Variants in KRABD3 observed in about 807,000 individuals in gnomAD.
The protein encoded by KRABD3 is KRAB domain-containing protein 3.
the KRABD3 span, chr7:149,730,383 G>C: frequency 3.9e-6 from 6 of 1,557,282 alleles, no homozygotes; most frequent in South Asian, 7.1e-5. Context: ...ATGTGTGCCA[G>C]GGCGCCAGTC....
chr7:149,715,705 C>T, the KRABD3 span, among the ~76,000 whole-genome samples: 330 of 152,314 alleles, frequency 2.2e-3, 1 homozygote, highest in African/African-American at 7.0e-3. Context: ...TCCGAGGCAG[C>T]CATGGATGGG....
At chr7:149,725,987 C>G in the KRABD3 span, 1 of 1,611,126 alleles carries the variant, frequency 6.2e-7, no homozygotes, top group East Asian at 2.2e-5. Context: ...CCAGCTTCTC[C>G]TCATCCAGCA....
chr7:149,722,438 G>A, the KRABD3 span: 137 of 1,606,934 alleles, frequency 8.5e-5, 1 homozygote, highest in South Asian at 4.1e-4. Context: ...CCGACAAACC[G>A]TGGCCTACAA....
chr7:149,734,349 G>A, the KRABD3 span: 1 of 387,750 alleles, frequency 2.6e-6, no homozygotes, highest in Non-Finnish European at 4.7e-6. Flanking sequence ...GTGTGCATAG[G>A]CCACGTGTGC....
At chr7:149,715,526 A>T in the KRABD3 span, among the ~76,000 whole-genome samples, 2 of 152,106 alleles carry the variant, frequency 1.3e-5, no homozygotes, top group Non-Finnish European at 2.9e-5. Context: ...CAGCCTGGGC[A>T]CCGTTTGGGC....
At chr7:149,729,275 A>C in the KRABD3 span, 1 of 1,605,214 alleles carries the variant, frequency 6.2e-7, no homozygotes, top group Admixed American at 1.7e-5. Context: ...GTCAGCCCAC[A>C]GGTGTTCACC....
chr7:149,715,424 A>G, the KRABD3 span: 1 of 960,738 alleles, frequency 1.0e-6, no homozygotes, highest in Non-Finnish European at 1.3e-6. Flanking sequence ...ATGGGGAGAA[A>G]CAAAGATAGA....
the KRABD3 span, chr7:149,725,606 C>G: frequency 1.8e-6 from 2 of 1,136,772 alleles, no homozygotes; most frequent in Non-Finnish European, 1.2e-6. Flanking sequence ...CCCGTTCCCC[C>G]AGGCTGCCTT....
the KRABD3 span, chr7:149,725,940 G>A: frequency 6.3e-7 from 1 of 1,599,978 alleles, no homozygotes; most frequent in South Asian, 1.1e-5. Flanking sequence ...TGTGAGAGAT[G>A]GCCCCAGCAG....
the KRABD3 span, among the ~76,000 whole-genome samples, chr7:149,727,197 A>G: frequency 2.7e-5 from 4 of 150,928 alleles, no homozygotes; most frequent in African/African-American, 9.8e-5. Context: ...TGCCGACACC[A>G]CTCCCTCCGT....
At chr7:149,722,429 C>T in the KRABD3 span, 24 of 1,605,620 alleles carry the variant, frequency 1.5e-5, no homozygotes, top group East Asian at 6.7e-5. Context: ...CAGAAACTGC[C>T]GACAAACCGT....
At chr7:149,733,619 C>T in the KRABD3 span, 24 of 1,593,548 alleles carry the variant, frequency 1.5e-5, no homozygotes, top group African/African-American at 2.7e-5. Context: ...AAAGATCCTG[C>T]GTGGCCAGGG....
the KRABD3 span, chr7:149,725,891 G>T: frequency 6.3e-7 from 1 of 1,581,526 alleles, no homozygotes; most frequent in South Asian, 1.2e-5. Flanking sequence ...CTACAGAAGC[G>T]ACCAGAGAGC....
At chr7:149,733,986 G>A in the KRABD3 span, 2 of 1,610,192 alleles carry the variant, frequency 1.2e-6, no homozygotes, top group Non-Finnish European at 1.7e-6. Flanking sequence ...GGAGTGCAGA[G>A]GGCCCTCCAG....
At chr7:149,724,432 T>C in the KRABD3 span, among the ~76,000 whole-genome samples, 1 of 152,282 alleles carries the variant, frequency 6.6e-6, no homozygotes, top group Admixed American at 6.5e-5. Context: ...ACTTCATGCC[T>C]GGTAGAAACC....
chr7:149,719,076 A>C, the KRABD3 span, among the ~76,000 whole-genome samples: 2 of 152,192 alleles, frequency 1.3e-5, no homozygotes, highest in African/African-American at 4.8e-5. This position sits in a 1 kb window ranked among gnomAD's most constrained non-coding sequence, Gnocchi z 5.6. Context: ...TGGGCAGGCC[A>C]CACTCCCTCT....
chr7:149,721,569 G>T, the KRABD3 span: 40 of 1,604,586 alleles, frequency 2.5e-5, no homozygotes, highest in East Asian at 5.8e-4. Context: ...GGGAGAACCA[G>T]CATTTCAAAA....
the KRABD3 span, chr7:149,728,576 A>T: frequency 6.2e-7 from 1 of 1,613,730 alleles, no homozygotes; most frequent in Non-Finnish European, 8.5e-7. Context: ...TCTCAAGGAG[A>T]TACCTGTGCC....
the KRABD3 span, chr7:149,725,567 T>C: frequency 7.2e-7 from 1 of 1,390,488 alleles, no homozygotes; most frequent in South Asian, 1.4e-5. Context: ...TGTCGGGTCA[T>C]TGTGTTCCCC....
Sources: allele counts gnomAD v4.1 joint callset (sites outside exome capture counted in the v4.1 genomes callset), GRCh38; gene constraint gnomAD v4.1.1; non-coding constraint Gnocchi (gnomAD v3.1); transcripts MANE v1.5; gene names NCBI Gene and HGNC (gene_info 2026-07-23, HGNC 2026-07-21).